The following SYNE1 variants were observed in gnomAD, a reference collection of about 807,000 sequenced individuals.
The protein encoded by SYNE1 is nesprin-1.
Under a neutral mutation model 1,111.0 loss-of-function variants are expected in SYNE1, and 616 were observed. The ratio of observed to expected loss-of-function variants is 0.55; its 90% confidence interval spans 0.52 to 0.59. The LOEUF (loss-of-function observed/expected upper bound fraction) is 0.59, where lower values mean the gene tolerates loss of function less well. SYNE1 is among the 20% of genes least tolerant of loss of function. The probability of loss-of-function intolerance (pLI) is 0.00; values close to 1 mark genes in which losing one functional copy is unlikely to be tolerated. For synonymous variants in SYNE1, 3,855 were observed against 3,825.8 expected, an observed-to-expected ratio of 1.01 and a Z score of -0.28; for missense variants, 10,006 against 10,417.0, an observed-to-expected ratio of 0.96 and a Z score of 1.72.
At chr6:152,444,280 C>A in intron 30 of SYNE1, 131 bp downstream of exon 30, 1 of 953,844 alleles carries the variant, frequency 1.0e-6, no homozygotes, top group Non-Finnish European at 1.6e-6. Context: ...ATTCTTTTAG[C>A]CATTCAACTC....
intron 98 of SYNE1, 149 bp from the exon 99 acceptor site, chr6:152,269,435 ACAC>A: frequency 8.8e-7 from 1 of 1,135,060 alleles, no homozygotes. Context: ...AAAAACAGTA[ACAC>A]AAAACCCATC....
intron 59 of SYNE1, among the ~76,000 whole-genome samples, chr6:152,371,221 G>A (rs943418630): frequency 3.9e-5 from 6 of 152,078 alleles, no homozygotes; most frequent in African/African-American, 1.4e-4. Context: ...TGTCTTGGGA[G>A]GGACCCAATG....
intron 79 of SYNE1, 26 bp from the exon 80 acceptor site, chr6:152,326,128 T>C: frequency 6.2e-7 from 1 of 1,614,120 alleles, no homozygotes; most frequent in Non-Finnish European, 8.5e-7. Context: ...CAGAAACTGA[T>C]AAGTAGCACG....
intron 96 of SYNE1, among the ~76,000 whole-genome samples, chr6:152,283,006 G>A (rs1273080835): frequency 1.3e-5 from 2 of 152,150 alleles, no homozygotes; most frequent in Non-Finnish European, 2.9e-5. Context: ...CCCATTATGT[G>A]CCAGAGAAGC....
intron 5 of SYNE1, among the ~76,000 whole-genome samples, chr6:152,523,176 T>C (rs1052977768): frequency 6.6e-6 from 1 of 151,246 alleles, no homozygotes; most frequent in African/African-American, 2.4e-5. Flanking sequence ...AGAATTTGTA[T>C]GGGGTTTCAG....
chr6:152,600,775 G>T (rs9397530), intron 3 of SYNE1, among the ~76,000 whole-genome samples: 1 of 152,138 alleles, frequency 6.6e-6, no homozygotes, highest in Non-Finnish European at 1.5e-5. Context: ...TTTTCCTCTA[G>T]ATGGCTCTTT....
At chr6:152,537,880 T>C (rs1478943101) in intron 4 of SYNE1, among the ~76,000 whole-genome samples, 2 of 152,224 alleles carry the variant, frequency 1.3e-5, no homozygotes, top group Non-Finnish European at 2.9e-5. Context: ...ATCCCAGCTC[T>C]TAAACCTGCC....
intron 56 of SYNE1, among the ~76,000 whole-genome samples, chr6:152,379,382 T>TTA (rs909705705): frequency 6.6e-6 from 1 of 152,066 alleles, no homozygotes; most frequent in Non-Finnish European, 1.5e-5. Flanking sequence ...TTTTACAATA[T>TTA]TATATTATAT....
chr6:152,627,856 TG>T (rs903535572), intron 3 of SYNE1, among the ~76,000 whole-genome samples: 27 of 152,280 alleles, frequency 1.8e-4, no homozygotes, highest in African/African-American at 4.8e-4. Flanking sequence ...GAAATGCCAC[TG>T]GTTCACCTAT....
intron 142 of SYNE1, 90 bp from the exon 143 acceptor site, chr6:152,133,578 G>A (rs2056356353): frequency 4.6e-6 from 6 of 1,295,436 alleles, no homozygotes; most frequent in Non-Finnish European, 6.5e-6. Context: ...ACTTAACTTG[G>A]TGGGAAATTA....
chr6:152,309,198 GCC>G (rs2095474659), intron 90 of SYNE1, among the ~76,000 whole-genome samples: 1 of 152,126 alleles, frequency 6.6e-6, no homozygotes, highest in Non-Finnish European at 1.5e-5. Flanking sequence ...ATGACTTTTA[GCC>G]TCAGGAATTT....
chr6:152,557,371 A>T (rs1264170613), intron 3 of SYNE1, among the ~76,000 whole-genome samples: 1 of 152,152 alleles, frequency 6.6e-6, no homozygotes, highest in African/African-American at 2.4e-5. Context: ...GAGGAAGCAG[A>T]GATGGAGAAA....
intron 6 of SYNE1, chr6:152,511,549 G>C (rs771015878): frequency 6.2e-7 from 1 of 1,611,170 alleles, no homozygotes; most frequent in Non-Finnish European, 8.5e-7. Flanking sequence ...CAGGAGTTAA[G>C]AATTCTAAAA....
chr6:152,472,429 A>G lies in SYNE1; in HGVS notation c.1351-16T>C. On this transcript the variant is annotated splice_polypyrimidine_tract_variant and intron_variant, in intron 14 of 145. Transcript: ENST00000367255. ...GAAGCAGATCCTAAGATACAGTTTAAAAAAAAATAAAAAATGAAAAACATG... is the reference window on the plus strand; with the variant it reads ...GAAGCAGATCCTAAGATACAGTTTAGAAAAAAATAAAAAATGAAAAACATG... 6.2e-7 allele frequency: 1 copy of G among 1,603,048 alleles called. No individual in the cohort carries two copies. The highest frequency in any genetic ancestry group is 8.5e-7 in the Non-Finnish European group (1 of 1,170,732).
chr6:152,182,791 C>A (rs1267671817), intron 128 of SYNE1, among the ~76,000 whole-genome samples: 1 of 152,100 alleles, frequency 6.6e-6, no homozygotes, highest in Non-Finnish European at 1.5e-5. Context: ...AGAGAGTGAG[C>A]CCCATAACCT....
At chr6:152,454,352 C>T (rs959289100) in intron 24 of SYNE1, among the ~76,000 whole-genome samples, 1 of 152,138 alleles carries the variant, frequency 6.6e-6, no homozygotes, top group African/African-American at 2.4e-5. Context: ...GGGATGGGGT[C>T]CTCATGATAG....
At chr6:152,198,658 T>C (rs776154401) in intron 127 of SYNE1, among the ~76,000 whole-genome samples, 4 of 152,142 alleles carry the variant, frequency 2.6e-5, no homozygotes, top group African/African-American at 4.8e-5. Flanking sequence ...CTAATTTCAA[T>C]ATTGTTGTGT....
chr6:152,161,176 C>CA (rs61606520), intron 131 of SYNE1, among the ~76,000 whole-genome samples: 41,130 of 146,818 alleles, frequency 0.28, 7,200 homozygotes, highest in African/African-American at 0.5. Flanking sequence ...AGTAATGTAA[C>CA]AAAAATATAA....
chr6:152,342,532 C>T (rs2096553904), intron 74 of SYNE1, among the ~76,000 whole-genome samples: 1 of 152,118 alleles, frequency 6.6e-6, no homozygotes, highest in Admixed American at 6.5e-5. Flanking sequence ...ATCATTTTAG[C>T]CTTTAGAAAG....
Sources: gnomAD v4.1 joint callset for allele counts (sites outside exome capture counted in the v4.1 genomes callset) on GRCh38, gnomAD v4.1.1 for gene constraint, MANE v1.5 for transcripts, NCBI Gene and HGNC (gene_info 2026-07-23, HGNC 2026-07-21) for gene names.